The following DIAPH3 variants were observed in gnomAD, a reference collection of about 807,000 sequenced individuals.
DIAPH3 encodes the protein protein diaphanous homolog 3.
DIAPH3 carries 117 observed loss-of-function variants against 144.3 expected under a neutral mutation model. The observed-to-expected ratio is 0.81, with a 90% CI of 0.70 to 0.95. The LOEUF is 0.95. DIAPH3 is among the 40% of genes least tolerant of loss of function. The pLI is 0.00. For missense variants in DIAPH3, 1,421 were observed against 1,412.7 expected (o/e 1.01, Z -0.09); for synonymous variants, 519 against 488.9 (o/e 1.06, Z -0.81).
In DIAPH3 at chr13:60,042,818, T is replaced by A; in HGVS notation, c.498A>T (p.Gly166=). 1 of 1,613,254 alleles carries A rather than the reference T, an allele frequency of 6.2e-7. No homozygotes were observed. Among genetic ancestry groups the A allele is most frequent in the African/African-American group, 1.3e-5 (1 of 74,994 alleles). Residue 166 remains glycine, a splice_region_variant and synonymous_variant, in exon 5 of 28, where the codon GGA becomes GGT. Transcript: ENST00000400324. ...MQYINTASKT[G]SLKRSRQISP... ...AGATCTGTCGGCTTCTCTTAAGACT[T>A]CCCTATAAAATAAGTCAAAAAATGT...
chr13:60,100,047 G>A (rs1346818714), intron 3 of DIAPH3, among the ~76,000 whole-genome samples: 4 of 152,054 alleles, frequency 2.6e-5, no homozygotes, highest in Non-Finnish European at 5.9e-5. Flanking sequence ...AAAATAAAAT[G>A]ATAGTATTAG....
At chr13:60,041,939 T>G (rs956960540) in intron 5 of DIAPH3, among the ~76,000 whole-genome samples, 2 of 152,130 alleles carry the variant, frequency 1.3e-5, no homozygotes, top group Non-Finnish European at 2.9e-5. Context: ...GCACCACAAT[T>G]AACATACATG....
At chr13:60,098,560 C>CTT (rs1489547510) in intron 3 of DIAPH3, among the ~76,000 whole-genome samples, 1 of 151,960 alleles carries the variant, frequency 6.6e-6, no homozygotes, top group African/African-American at 2.4e-5. Flanking sequence ...TAAAATAAGA[C>CTT]TTCTTTCAAA....
chr13:59,750,384 A>G (rs2036945323), intron 27 of DIAPH3, among the ~76,000 whole-genome samples: 1 of 152,314 alleles, frequency 6.6e-6, no homozygotes, highest in South Asian at 2.1e-4. Flanking sequence ...TTACCATGAT[A>G]ATAAGTTTTT....
At chr13:59,983,056 T>A (rs1295000237) in intron 13 of DIAPH3, among the ~76,000 whole-genome samples, 2 of 150,764 alleles carry the variant, frequency 1.3e-5, no homozygotes, top group East Asian at 3.9e-4. Flanking sequence ...CTCACTTTAT[T>A]TCATTTTTAA....
intron 1 of DIAPH3, among the ~76,000 whole-genome samples, chr13:60,150,336 T>TA (rs1389346295): frequency 2.0e-5 from 3 of 151,658 alleles, no homozygotes; most frequent in South Asian, 4.2e-4. Flanking sequence ...CTTTTTCAAT[T>TA]AAAAAAAACT....
chr13:59,831,179 GA>G (rs941834309), intron 24 of DIAPH3, among the ~76,000 whole-genome samples: 5 of 151,802 alleles, frequency 3.3e-5, no homozygotes, highest in Non-Finnish European at 7.4e-5. Context: ...CTGGCTTATA[GA>G]AAATACTTAG....
In DIAPH3 at chr13:60,039,708, TTAACTC is replaced by T. The variant is rs1299271107; in HGVS notation, c.626+2976_626+2981del. Among the ~76,000 whole-genome samples the T allele has an allele frequency of 5.9e-5, 9 of 152,152 alleles. No homozygotes were observed. The East Asian group carries it at 1.2e-3, about 20-fold the overall frequency. ...GTTCTATTCAGACATTTTAAAAACT[TTAACTC>T]TAATTTACTTAATGATATTACAGGT... On this transcript the variant is annotated intron_variant, in intron 5 of 27. Transcript: ENST00000400324.
At chr13:59,763,361 T>C (rs554867910) in intron 27 of DIAPH3, among the ~76,000 whole-genome samples, 3 of 152,224 alleles carry the variant, frequency 2.0e-5, no homozygotes, top group Non-Finnish European at 2.9e-5. Context: ...TGTATGCATG[T>C]ATCCTGTTCC....
intron 27 of DIAPH3, among the ~76,000 whole-genome samples, chr13:59,744,608 A>G (rs2036617035): frequency 6.6e-6 from 1 of 152,126 alleles, no homozygotes; most frequent in African/African-American, 2.4e-5. Flanking sequence ...AATGTGGCCC[A>G]GGGAAGCCAA....
chr13:59,847,733 G>A (rs1159149075), intron 22 of DIAPH3, among the ~76,000 whole-genome samples: 1 of 152,174 alleles, frequency 6.6e-6, no homozygotes, highest in Non-Finnish European at 1.5e-5. Context: ...AGCACAGACT[G>A]ACTGACTTTC....
At chr13:59,794,003 A>T (rs975181551) in intron 25 of DIAPH3, among the ~76,000 whole-genome samples, 2 of 152,328 alleles carry the variant, frequency 1.3e-5, no homozygotes, top group East Asian at 3.9e-4. Flanking sequence ...CATTCAACAG[A>T]AACTGTACTT....
intron 27 of DIAPH3, among the ~76,000 whole-genome samples, chr13:59,739,049 C>T (rs1304402782): frequency 2.0e-5 from 3 of 152,072 alleles, no homozygotes; most frequent in Non-Finnish European, 2.9e-5. Flanking sequence ...GACATTTAAA[C>T]GCTCTCCTTA....
Position 59,916,206 on chromosome 13 carries a change from T to C in DIAPH3, c.2214A>G (p.Arg738=), listed in dbSNP as rs780463069. The change falls in exon 19 of 28, where the codon AGA becomes AGG. Residue 738 remains arginine, a synonymous_variant. Transcript: ENST00000400324. ...TTTCATCTACTTCCAATATCATCAT[T>C]CTGATTTCCTCATATGGCACCCGAA... The part of the protein sequence containing the change: ...SSFRVPYEEI[R]MMILEVDETR... 1.4e-5 allele frequency: 23 copies of C among 1,613,218 alleles called. No homozygotes were observed. Among genetic ancestry groups the C allele is most frequent in the Non-Finnish European group, 1.7e-5 (20 of 1,179,534 alleles).
intron 3 of DIAPH3, among the ~76,000 whole-genome samples, chr13:60,110,592 A>G (rs1366314934): frequency 6.6e-6 from 1 of 152,222 alleles, no homozygotes; most frequent in Non-Finnish European, 1.5e-5. Context: ...TCAAGGAATC[A>G]GTAAGGGAAA....
At chr13:59,703,079 T>A (rs1442900669) in intron 27 of DIAPH3, among the ~76,000 whole-genome samples, 1 of 152,216 alleles carries the variant, frequency 6.6e-6, no homozygotes, top group East Asian at 1.9e-4. Context: ...TCCTTTCTTT[T>A]CTCTTTCTTT....
chr13:59,712,530 A>G (rs1209650544), intron 27 of DIAPH3, among the ~76,000 whole-genome samples: 1 of 152,178 alleles, frequency 6.6e-6, no homozygotes, highest in Non-Finnish European at 1.5e-5. Context: ...CCTAGTCTCC[A>G]GCCATCGACT....
At chr13:60,080,774 G>T (rs1176228512) in intron 4 of DIAPH3, among the ~76,000 whole-genome samples, 1 of 151,904 alleles carries the variant, frequency 6.6e-6, no homozygotes, top group Admixed American at 6.6e-5. Flanking sequence ...TAATCATTCA[G>T]TGTCAACTCT....
chr13:59,687,247 C>T (rs2033268102), intron 27 of DIAPH3, among the ~76,000 whole-genome samples: 1 of 152,080 alleles, frequency 6.6e-6, no homozygotes, highest in Non-Finnish European at 1.5e-5. Flanking sequence ...CGTTAAATCA[C>T]TGAGCCATCC....
Sources: gnomAD v4.1 joint callset for allele counts (sites outside exome capture counted in the v4.1 genomes callset) on GRCh38, gnomAD v4.1.1 for gene constraint, MANE v1.5 for transcripts, NCBI Gene and HGNC (gene_info 2026-07-23, HGNC 2026-07-21) for gene names.